The following CEP135 variants were observed in gnomAD, a reference collection of about 807,000 sequenced individuals.
The protein encoded by CEP135 is centrosomal protein 135.
CEP135 carries 142 observed loss-of-function variants against 157.3 expected under a neutral mutation model. The observed-to-expected ratio is 0.90, with a 90% CI of 0.79 to 1.04. The LOEUF is 1.04. CEP135 is among the 50% of genes least tolerant of loss of function. CEP135 has a pLI of 0.00. For synonymous variants in CEP135, 396 were observed against 439.8 expected (o/e 0.90, Z 1.25); for missense variants, 1,317 against 1,309.2 (o/e 1.01, Z -0.09).
chr4:56,009,231 G>T (rs545507127), intron 18 of CEP135, among the ~76,000 whole-genome samples: 1 of 152,194 alleles, frequency 6.6e-6, no homozygotes, highest in African/African-American at 2.4e-5. Flanking sequence ...GGGCGATCTC[G>T]GCTCATTGCA....
chr4:55,965,985 T>G, intron 8 of CEP135, 126 bp downstream of exon 8: 1 of 768,018 alleles, frequency 1.3e-6, no homozygotes, highest in South Asian at 1.9e-5. Flanking sequence ...TTTGTTTTTT[T>G]GCTTTGGTAA....
At chr4:55,964,202 A>G in intron 6 of CEP135, 72 bp from the exon 7 acceptor site, 1 of 1,396,752 alleles carries the variant, frequency 7.2e-7, no homozygotes. Flanking sequence ...TATCCAAATA[A>G]ATGTTTGTAC....
At chr4:56,002,962 A>C (rs533740060) in intron 17 of CEP135, among the ~76,000 whole-genome samples, 1 of 152,266 alleles carries the variant, frequency 6.6e-6, no homozygotes, top group Non-Finnish European at 1.5e-5. Flanking sequence ...GTAGCTTGTA[A>C]GTGTCCAGGA....
chr4:56,000,384 T>C (rs1480553012), intron 17 of CEP135, among the ~76,000 whole-genome samples: 1 of 152,176 alleles, frequency 6.6e-6, no homozygotes, highest in Admixed American at 6.5e-5. Flanking sequence ...AAATGTGCGC[T>C]GGATTGGTGT....
intron 2 of CEP135, 74 bp downstream of exon 2, chr4:55,952,317 T>A: frequency 1.1e-6 from 1 of 873,186 alleles, no homozygotes; most frequent in Admixed American, 2.2e-5. Context: ...AACTTCATGC[T>A]TTGGTAAAGA....
In CEP135 at chr4:56,024,051, T is replaced by C. The variant is rs1401530295; in HGVS notation, c.3321-450T>C. 5.6e-5 allele frequency among the ~76,000 whole-genome samples: 8 copies of C among 143,376 alleles called. No homozygotes were observed. The East Asian group carries it at 1.6e-3, about 29-fold the overall frequency. The allele number at this position is 143,376 out of a possible 152,430, so 94.1% of individuals were successfully genotyped here. A position where few individuals can be genotyped will look rare whatever the true frequency, so the allele number is the denominator to read the frequency against. On this transcript the variant is annotated intron_variant, in intron 24 of 25. Coordinates refer to ENST00000257287, the MANE Select transcript of CEP135 (RefSeq NM_025009.5). ...ATGTTATATATTGTATATTTTATAA[T>C]ATATGTTACATATATTATATATTAT...
At chr4:56,024,781 A>G (rs1279248761) in intron 25 of CEP135, among the ~76,000 whole-genome samples, 167 bp downstream of exon 25, 2 of 151,816 alleles carry the variant, frequency 1.3e-5, no homozygotes, top group Non-Finnish European at 2.9e-5. Flanking sequence ...ATGTGGGTAT[A>G]TACAATTGTA....
intron 13 of CEP135, among the ~76,000 whole-genome samples, chr4:55,982,532 G>A (rs1057105608): frequency 5.9e-5 from 9 of 152,142 alleles, no homozygotes; most frequent in African/African-American, 1.9e-4. Flanking sequence ...ATGAGGTTGA[G>A]CATCTTTTCA....
rs1276981077 is a variant in CEP135, at chr4:56,009,922, A to G, written c.2505+19A>G. On this transcript the variant is annotated intron_variant, in intron 19 of 25. Coordinates refer to ENST00000257287, the MANE Select transcript of CEP135 (RefSeq NM_025009.5). ...AAATCAAGTATGAACACAAGGCATA[A>G]ATTTTGATAGTTTTATACTTTCCAT... The G allele has an allele frequency of 6.2e-7, 1 of 1,605,302 alleles. No individual in the cohort carries two copies. Among genetic ancestry groups the G allele is most frequent in the Non-Finnish European group, 8.5e-7 (1 of 1,176,768 alleles).
chr4:55,952,323 A>G lies in CEP135; in HGVS notation c.113+80A>G, dbSNP rs1031321229. 3.4e-5 allele frequency: 29 copies of G among 840,598 alleles called. No homozygotes were observed. The East Asian group carries it at 6.2e-4, about 18-fold the overall frequency. The allele number at this position is 840,598 out of a possible 1,614,324, so 52.1% of individuals were successfully genotyped here. ...TTCTGATTGAACTTCATGCTTTGGT[A>G]AAGAAAAGGGTAGCTTTCCGGAAAG... is the stretch of plus-strand genomic sequence containing the variant. On this transcript the variant is annotated intron_variant, in intron 2 of 25. Transcript: ENST00000257287.
intron 4 of CEP135, 98 bp downstream of exon 4, chr4:55,954,481 C>T (rs1331825012): frequency 2.9e-6 from 3 of 1,037,070 alleles, no homozygotes; most frequent in Non-Finnish European, 4.1e-6. Flanking sequence ...GATTTTCATG[C>T]TTAGACTTTA....
At chr4:56,009,338 A>G (rs182353066) in intron 18 of CEP135, among the ~76,000 whole-genome samples, 2,843 of 151,532 alleles carry the variant, frequency 0.019, 36 homozygotes, top group Non-Finnish European at 0.026. Context: ...TTTTTTTTGT[A>G]TTTTTAGTAG....
At chr4:55,972,166 T>G (rs1729049018) in intron 10 of CEP135, among the ~76,000 whole-genome samples, 1 of 152,062 alleles carries the variant, frequency 6.6e-6, no homozygotes, top group Admixed American at 6.5e-5. Context: ...AAAAAAGAAT[T>G]TATTCATTCA....
At chr4:56,027,283 A>G (rs1731185907) in intron 25 of CEP135, among the ~76,000 whole-genome samples, 1 of 152,184 alleles carries the variant, frequency 6.6e-6, no homozygotes, top group Non-Finnish European at 1.5e-5. Flanking sequence ...TTGGTTGGTA[A>G]ACTAGGATCT....
chr4:55,951,114 T>C (rs1280222171), intron 1 of CEP135, among the ~76,000 whole-genome samples: 1 of 152,264 alleles, frequency 6.6e-6, no homozygotes, highest in Non-Finnish European at 1.5e-5. Context: ...TATCCCTTAG[T>C]ATTGCACTGT....
intron 3 of CEP135, 106 bp from the exon 4 acceptor site, chr4:55,954,110 G>A (rs1728438753): frequency 1.0e-6 from 1 of 973,530 alleles, no homozygotes; most frequent in Non-Finnish European, 1.5e-6. Flanking sequence ...ATAAGAAGCA[G>A]GTGGAGACTT....
At chr4:55,956,576 T>A (rs1249536148) in intron 4 of CEP135, among the ~76,000 whole-genome samples, 1 of 152,306 alleles carries the variant, frequency 6.6e-6, no homozygotes, top group African/African-American at 2.4e-5. Context: ...TAGTGATAAT[T>A]TCTTGAGCTC....
rs1343726897 is a variant in CEP135 at position 56,013,633 on chromosome 4, A to AT, written c.2802+1649dup. Among the ~76,000 whole-genome samples the AT allele has an allele frequency of 2.6e-5, 4 of 152,348 alleles. No individual in the cohort carries two copies. In the East Asian group the frequency reaches 7.7e-4, roughly 29 times the overall value. On this transcript the variant is annotated intron_variant, in intron 21 of 25. Transcript: ENST00000257287. The stretch of plus-strand genomic sequence containing the variant: ...AAGACAGTCTGATAAAAATCTCATA[A>AT]TAAAAAATTTGAGTTCAGTTAAAAT...
At chr4:56,012,283 T>C (rs1027714764) in intron 21 of CEP135, among the ~76,000 whole-genome samples, 1 of 152,172 alleles carries the variant, frequency 6.6e-6, no homozygotes, top group Admixed American at 6.5e-5. Flanking sequence ...CTCGAACTCC[T>C]GACCTTGAGT....
Sources: gnomAD v4.1 joint callset for allele counts (sites outside exome capture counted in the v4.1 genomes callset) on GRCh38, gnomAD v4.1.1 for gene constraint, MANE v1.5 for transcripts, NCBI Gene and HGNC (gene_info 2026-07-23, HGNC 2026-07-21) for gene names.